The following LHFPL2 variants were observed in gnomAD, a reference collection of about 807,000 sequenced individuals.
The protein encoded by LHFPL2 is LHFPL tetraspan subfamily member 2.
Under a neutral mutation model 17.5 loss-of-function variants are expected in LHFPL2, and 7 were observed. The ratio of observed to expected loss-of-function variants is 0.40; its 90% confidence interval spans 0.23 to 0.75. LHFPL2 has a LOEUF of 0.75. Among genes scored for constraint, LHFPL2 ranks in the 30% least tolerant of loss-of-function variants. LHFPL2 has a pLI of 0.37. For synonymous variants in LHFPL2, 134 were observed against 116.2 expected, an observed-to-expected ratio of 1.15 and a Z score of -0.99; for missense variants, 241 against 294.8, an observed-to-expected ratio of 0.82 and a Z score of 1.34.
intron 3 of LHFPL2, among the ~76,000 whole-genome samples, chr5:78,519,814 C>G (rs1286316190): frequency 6.6e-6 from 1 of 152,238 alleles, no homozygotes; most frequent in Non-Finnish European, 1.5e-5. Context: ...GTCTCAGGCA[C>G]TCCTTTTGCC....
At chr5:78,589,727 TC>T (rs1743558969) in intron 2 of LHFPL2, among the ~76,000 whole-genome samples, 1 of 152,172 alleles carries the variant, frequency 6.6e-6, no homozygotes, top group South Asian at 2.1e-4. Flanking sequence ...CATGTCTGCC[TC>T]CTCCAGCAGA....
intron 2 of LHFPL2, among the ~76,000 whole-genome samples, chr5:78,609,513 A>G (rs1416381212): frequency 1.3e-5 from 2 of 151,530 alleles, no homozygotes; most frequent in Non-Finnish European, 2.9e-5. Flanking sequence ...CAGCACATCT[A>G]TACAATGGAA....
At chr5:78,604,688 T>C (rs1409529637) in intron 2 of LHFPL2, among the ~76,000 whole-genome samples, 4 of 152,222 alleles carry the variant, frequency 2.6e-5, no homozygotes. Flanking sequence ...CTGAAATTCA[T>C]TTTCTTAATT....
chr5:78,494,096 T>G, intron 4 of LHFPL2, among the ~76,000 whole-genome samples: 1 of 152,184 alleles, frequency 6.6e-6, no homozygotes, highest in Non-Finnish European at 1.5e-5. Flanking sequence ...TCTGGTAGTC[T>G]CTGGGGCCCT....
intron 1 of LHFPL2, among the ~76,000 whole-genome samples, chr5:78,641,036 G>A (rs572345957): frequency 9.9e-5 from 15 of 152,200 alleles, no homozygotes; most frequent in Non-Finnish European, 1.0e-4. Context: ...ACAGAGAGTA[G>A]GAGAGCCTGG....
intron 2 of LHFPL2, among the ~76,000 whole-genome samples, chr5:78,593,906 G>C (rs1028990951): frequency 1.3e-5 from 2 of 152,138 alleles, no homozygotes; most frequent in African/African-American, 4.8e-5. Context: ...CAAGAAGGAG[G>C]GGGGATGGAG....
intron 3 of LHFPL2, among the ~76,000 whole-genome samples, chr5:78,550,977 T>C (rs917555120): frequency 6.6e-6 from 1 of 152,256 alleles, no homozygotes; most frequent in African/African-American, 2.4e-5. Context: ...TAGTGATTCT[T>C]ACCTCATTCA....
chr5:78,582,158 C>T (rs573066561), intron 2 of LHFPL2, among the ~76,000 whole-genome samples: 19 of 152,200 alleles, frequency 1.2e-4, no homozygotes, highest in Non-Finnish European at 2.4e-4. Context: ...TTTTTTATTG[C>T]ATCTATTTGA....
intron 2 of LHFPL2, among the ~76,000 whole-genome samples, chr5:78,575,520 GC>G (rs1424678021): frequency 3.9e-5 from 6 of 152,176 alleles, no homozygotes; most frequent in Non-Finnish European, 8.8e-5. Flanking sequence ...CTGCACTCCA[GC>G]CTGGTGACAG....
chr5:78,508,210 CA>C (rs1464502241), intron 4 of LHFPL2, among the ~76,000 whole-genome samples: 2 of 152,088 alleles, frequency 1.3e-5, no homozygotes, highest in Non-Finnish European at 2.9e-5. Flanking sequence ...CCCTATTTTT[CA>C]GAAGGAGAAC....
At chr5:78,557,862 G>A (rs1756622303) in intron 3 of LHFPL2, among the ~76,000 whole-genome samples, 1 of 152,192 alleles carries the variant, frequency 6.6e-6, no homozygotes, top group Non-Finnish European at 1.5e-5. Context: ...GTGGCTCTGG[G>A]GATGCCAGTG....
In LHFPL2 at chr5:78,486,323, G is replaced by GACTT. The variant is rs1463972239; in HGVS notation, c.*2570_*2573dup. On this transcript the variant is annotated 3_prime_UTR_variant, in exon 5 of 5. Transcript: ENST00000380345. ...CGCAGCCCATCCCATCCCGTCATGA[G>GACTT]ACTTTCTTTAAGCCAATTTCAGGCA... 3 of 152,288 alleles carry GACTT rather than the reference G, an allele frequency of 2.0e-5. No homozygotes were observed. The highest frequency in any genetic ancestry group is 4.4e-5 in the Non-Finnish European group (3 of 68,042). The allele number at this position is 152,288 out of a possible 1,614,324, so 9.4% of individuals were successfully genotyped here.
At chr5:78,580,444 G>C (rs1053470339) in intron 2 of LHFPL2, among the ~76,000 whole-genome samples, 33 of 151,478 alleles carry the variant, frequency 2.2e-4, no homozygotes, top group Non-Finnish European at 3.0e-5. Context: ...GAATGGTAAT[G>C]CCTAGGTTTT....
At chr5:78,584,639 G>A (rs1477335667) in intron 2 of LHFPL2, among the ~76,000 whole-genome samples, 10 of 152,154 alleles carry the variant, frequency 6.6e-5, no homozygotes, top group Non-Finnish European at 7.4e-5. Flanking sequence ...CAGTCTGCCC[G>A]TTCTCAGATC....
intron 3 of LHFPL2, among the ~76,000 whole-genome samples, chr5:78,535,843 C>CT (rs1171139631): frequency 6.6e-6 from 1 of 152,208 alleles, no homozygotes; most frequent in Admixed American, 6.5e-5. Context: ...GTGCCGGACT[C>CT]TGACACGAAC....
intron 4 of LHFPL2, among the ~76,000 whole-genome samples, chr5:78,489,961 A>T (rs910813056): frequency 1.3e-5 from 2 of 152,238 alleles, no homozygotes; most frequent in Non-Finnish European, 2.9e-5. Flanking sequence ...TGTCAACCTG[A>T]TTAAATGCAA....
At chr5:78,575,834 C>T (rs984895781) in intron 2 of LHFPL2, among the ~76,000 whole-genome samples, 2 of 152,202 alleles carry the variant, frequency 1.3e-5, no homozygotes, top group African/African-American at 2.4e-5. Context: ...TCATCCTGCA[C>T]AGACTGGACA....
At chr5:78,512,242 G>A (rs1169473682) in intron 3 of LHFPL2, among the ~76,000 whole-genome samples, 6 of 151,996 alleles carry the variant, frequency 3.9e-5, no homozygotes, top group South Asian at 4.2e-4. Flanking sequence ...AGAGATGGAC[G>A]AAGTCATTCA....
At chr5:78,519,753 C>T (rs1580769020) in intron 3 of LHFPL2, among the ~76,000 whole-genome samples, 1 of 152,280 alleles carries the variant, frequency 6.6e-6, no homozygotes, top group Non-Finnish European at 1.5e-5. Context: ...CAACAGGATC[C>T]AGCCTCCCCG....
Sources: gnomAD v4.1 joint callset for allele counts (sites outside exome capture counted in the v4.1 genomes callset) on GRCh38, gnomAD v4.1.1 for gene constraint, MANE v1.5 for transcripts, NCBI Gene and HGNC (gene_info 2026-07-23, HGNC 2026-07-21) for gene names.